GLRA2: variants seen among roughly 807,000 people sequenced by gnomAD.
GLRA2 encodes the protein glycine receptor subunit alpha-2.
GLRA2 carries 11 observed loss-of-function variants against 31.6 expected under a neutral mutation model. The observed-to-expected ratio is 0.35, with a 90% CI of 0.22 to 0.58. The LOEUF is 0.58. GLRA2 is among the 20% of genes least tolerant of loss of function. GLRA2 has a pLI of 0.84. For synonymous variants in GLRA2, 132 were observed against 134.0 expected, an observed-to-expected ratio of 0.99 and a Z score of 0.10; for missense variants, 212 against 351.8, an observed-to-expected ratio of 0.60 and a Z score of 3.18.
At chrX:14,671,361 G>A (rs1220636775) in intron 7 of GLRA2, among the ~76,000 whole-genome samples, 1 of 112,019 alleles carries the variant, frequency 8.9e-6, no homozygotes, top group East Asian at 2.8e-4. Context: ...GCATTTGGAT[G>A]CAGTTTATTT....
the GLRA2 span, among the ~76,000 whole-genome samples, chrX:14,451,238 T>A: frequency 0.25 from 27,195 of 110,125 alleles, 2,844 homozygotes; most frequent in African/African-American, 0.39. Flanking sequence ...TATACAATCA[T>A]GACTATAAAG....
chrX:14,510,126 G>C, the GLRA2 span, among the ~76,000 whole-genome samples: 1 of 111,427 alleles, frequency 9.0e-6, no homozygotes, highest in African/African-American at 3.3e-5. Context: ...TTAAAATTAA[G>C]GGAAGAAAAC....
At position 14,689,075 on chromosome X, in the gene GLRA2, A is replaced by G. The variant is rs138443946; in HGVS notation, c.931-1635A>G. Among the ~76,000 whole-genome samples the G allele has an allele frequency of 3.0e-3, 342 of 112,192 alleles. 2 individuals carry two copies. The highest frequency in any genetic ancestry group is 5.3e-3 in the Non-Finnish European group (284 of 53,229). Reference sequence around the variant, plus strand: ...TAGAGGCAGAGAGAGGTTAAATAACATAACTGAATTATACAGATAGTAGCA... The same window carrying G: ...TAGAGGCAGAGAGAGGTTAAATAACGTAACTGAATTATACAGATAGTAGCA... On this transcript the variant is annotated intron_variant, in intron 7 of 8. Coordinates refer to ENST00000218075, the MANE Select transcript of GLRA2 (RefSeq NM_002063.4).
intron 4 of GLRA2, among the ~76,000 whole-genome samples, chrX:14,589,106 G>T (rs750907245): frequency 2.2e-4 from 24 of 110,991 alleles, no homozygotes; most frequent in Non-Finnish European, 1.1e-4. Flanking sequence ...AGGACTTCCA[G>T]TATTATGTTT....
intron 2 of GLRA2, among the ~76,000 whole-genome samples, chrX:14,541,627 A>G (rs769500747): frequency 9.0e-6 from 1 of 111,400 alleles, no homozygotes; most frequent in Admixed American, 9.6e-5. Flanking sequence ...CATTTTGCCC[A>G]TTTCCCACCA....
At chrX:14,514,968 CT>C in the GLRA2 span, among the ~76,000 whole-genome samples, 34 of 110,732 alleles carry the variant, frequency 3.1e-4, no homozygotes, top group East Asian at 2.8e-3. Context: ...ATGTTTACCA[CT>C]TTTTTTTGCA....
the GLRA2 span, among the ~76,000 whole-genome samples, chrX:14,480,593 C>T: frequency 1.8e-5 from 2 of 111,489 alleles, no homozygotes; most frequent in Non-Finnish European, 3.8e-5. Flanking sequence ...CCAGCTATCC[C>T]CAGCACCATT....
chrX:14,605,138 A>G (rs1452474468), intron 5 of GLRA2, among the ~76,000 whole-genome samples: 4 of 111,864 alleles, frequency 3.6e-5, no homozygotes, highest in African/African-American at 1.3e-4. Flanking sequence ...GGCTTGGTCT[A>G]TCAGTTTCTC....
intron 2 of GLRA2, among the ~76,000 whole-genome samples, chrX:14,540,066 A>AAGTATAG (rs1167209610): frequency 1.8e-5 from 2 of 111,870 alleles, no homozygotes; most frequent in African/African-American, 3.2e-5. Flanking sequence ...GTTAGGTGCT[A>AAGTATAG]AGTATAGAGT....
At chrX:14,700,261 G>A (rs1358717352) in intron 8 of GLRA2, among the ~76,000 whole-genome samples, 2 of 110,974 alleles carry the variant, frequency 1.8e-5, no homozygotes, top group Non-Finnish European at 1.9e-5. Flanking sequence ...TACCCAGCAG[G>A]AGTGTACAGA....
At chrX:14,519,031 AAAAG>A in the GLRA2 span, among the ~76,000 whole-genome samples, 5 of 106,706 alleles carry the variant, frequency 4.7e-5, no homozygotes, top group African/African-American at 1.7e-4. Flanking sequence ...AAAAAAAAAA[AAAAG>A]GAGATCAGGT....
chrX:14,670,552 C>T (rs927261939), intron 7 of GLRA2, among the ~76,000 whole-genome samples: 1 of 111,676 alleles, frequency 9.0e-6, no homozygotes, highest in South Asian at 3.7e-4. Context: ...AAGCAAGTCA[C>T]ATCTTATGTG....
At chrX:14,522,092 C>G in the GLRA2 span, among the ~76,000 whole-genome samples, 1 of 111,709 alleles carries the variant, frequency 9.0e-6, no homozygotes, top group Admixed American at 9.5e-5. Flanking sequence ...AACATTTTGC[C>G]CCCAGTAGAA....
intron 7 of GLRA2, among the ~76,000 whole-genome samples, chrX:14,628,784 C>A (rs973299943): frequency 2.7e-5 from 3 of 111,600 alleles, no homozygotes; most frequent in Non-Finnish European, 5.7e-5. Flanking sequence ...GGGGAAATGG[C>A]AAACAGGGAG....
intron 8 of GLRA2, among the ~76,000 whole-genome samples, chrX:14,717,868 T>C (rs1366684265): frequency 2.7e-5 from 3 of 110,946 alleles, no homozygotes; most frequent in African/African-American, 9.8e-5. Flanking sequence ...TGCTTTTATA[T>C]GGTTCAGATA....
intron 8 of GLRA2, among the ~76,000 whole-genome samples, chrX:14,712,741 G>A (rs184808743): frequency 9.0e-6 from 1 of 110,955 alleles, no homozygotes; most frequent in Non-Finnish European, 1.9e-5. Flanking sequence ...ATGAAGTTCT[G>A]AGTAGAAAAC....
chrX:14,475,288 A>G, the GLRA2 span, among the ~76,000 whole-genome samples: 1 of 112,983 alleles, frequency 8.9e-6, no homozygotes, highest in Non-Finnish European at 1.9e-5. Flanking sequence ...CTGCTTCTTT[A>G]CATTTTTAAT....
intron 8 of GLRA2, among the ~76,000 whole-genome samples, chrX:14,717,168 A>C (rs1373312852): frequency 9.1e-6 from 1 of 110,480 alleles, no homozygotes; most frequent in Non-Finnish European, 1.9e-5. Flanking sequence ...CAATAAATTG[A>C]ATGGATTGAC....
chrX:14,696,219 C>A (rs756454792), intron 8 of GLRA2, among the ~76,000 whole-genome samples: 1 of 34,939 alleles, frequency 2.9e-5, no homozygotes, highest in Non-Finnish European at 5.0e-5. Context: ...AGGGAGAGTG[C>A]GAGGGAGGGA....
Sources: gnomAD v4.1 joint callset for allele counts (sites outside exome capture counted in the v4.1 genomes callset) on GRCh38, gnomAD v4.1.1 for gene constraint, MANE v1.5 for transcripts, NCBI Gene and HGNC (gene_info 2026-07-23, HGNC 2026-07-21) for gene names.